Variants in TMEM74 observed in about 807,000 individuals in gnomAD.
TMEM74 encodes transmembrane protein 74.
TMEM74 carries 13 observed loss-of-function variants against 18.1 expected under a neutral mutation model. That is an observed-to-expected ratio of 0.72 (90% CI 0.47 to 1.14). The LOEUF (loss-of-function observed/expected upper bound fraction) is 1.14. Ranked by LOEUF, TMEM74 falls within the 50% of genes most tolerant of loss-of-function variation. The pLI, the probability that TMEM74 is intolerant of heterozygous loss-of-function variation, is 0.00. For missense variants in TMEM74, 372 were observed against 375.9 expected (o/e 0.99, Z 0.09); for synonymous variants, 159 against 146.6 (o/e 1.08, Z -0.61).
At chr8:108,706,667 A>T (rs1452538067) in intron 1 of TMEM74, among the ~76,000 whole-genome samples, 3 of 152,002 alleles carry the variant, frequency 2.0e-5, no homozygotes, top group African/African-American at 4.8e-5. Context: ...ATTATTCATA[A>T]GTAGCTTTAA....
At chr8:108,775,785 A>C (rs1026693744), downstream of TMEM74, among the ~76,000 whole-genome samples, 2 of 152,008 alleles carry the variant, frequency 1.3e-5, no homozygotes, top group Non-Finnish European at 2.9e-5. Flanking sequence ...TTCTTTCCTG[A>C]GCTCATCATT....
intron 1 of TMEM74, among the ~76,000 whole-genome samples, chr8:108,747,160 C>A (rs1460656103): frequency 6.6e-6 from 1 of 152,032 alleles, no homozygotes; most frequent in Non-Finnish European, 1.5e-5. Context: ...CTGTTGGGAT[C>A]TGATGCTATC....
chr8:108,658,708 G>A (rs1195804745), intron 1 of TMEM74, among the ~76,000 whole-genome samples: 2 of 152,144 alleles, frequency 1.3e-5, no homozygotes, highest in Non-Finnish European at 2.9e-5. Flanking sequence ...GAGCCTCTTC[G>A]TAATGTTGTA....
chr8:108,663,747 G>T (rs946570937), intron 1 of TMEM74, among the ~76,000 whole-genome samples: 3 of 152,038 alleles, frequency 2.0e-5, no homozygotes, highest in African/African-American at 7.2e-5. Flanking sequence ...AATAAAATGT[G>T]GTACATATAC....
intron 2 of TMEM74, among the ~76,000 whole-genome samples, chr8:108,638,703 A>C (rs1812631495): frequency 6.6e-6 from 1 of 152,118 alleles, no homozygotes; most frequent in Non-Finnish European, 1.5e-5. Flanking sequence ...ATTACTAACA[A>C]TTATTGAGCA....
intron 1 of TMEM74, among the ~76,000 whole-genome samples, chr8:108,759,937 A>G (rs1814021847): frequency 6.6e-6 from 1 of 151,966 alleles, no homozygotes; most frequent in Non-Finnish European, 1.5e-5. Flanking sequence ...GGCTTCCACT[A>G]TGAGTCAGGT....
At chr8:108,715,456 A>G (rs1394851125) in intron 1 of TMEM74, among the ~76,000 whole-genome samples, 1 of 152,090 alleles carries the variant, frequency 6.6e-6, no homozygotes, top group African/African-American at 2.4e-5. Context: ...TTGCCTTTAA[A>G]CAGTTCTGCA....
At chr8:108,743,216 C>T (rs892673043) in intron 1 of TMEM74, among the ~76,000 whole-genome samples, 13 of 152,084 alleles carry the variant, frequency 8.5e-5, no homozygotes, top group African/African-American at 9.7e-5. Context: ...GTTTACTGTA[C>T]GTAAATAAAT....
At chr8:108,786,001 C>A (rs941789051) in intron 1 of TMEM74, among the ~76,000 whole-genome samples, 2 of 152,210 alleles carry the variant, frequency 1.3e-5, no homozygotes, top group Non-Finnish European at 2.9e-5. Flanking sequence ...CTGCTACTCC[C>A]GTTCCCTGGG....
At chr8:108,668,404 G>A (rs962390304) in intron 1 of TMEM74, among the ~76,000 whole-genome samples, 1 of 152,126 alleles carries the variant, frequency 6.6e-6, no homozygotes, top group African/African-American at 2.4e-5. Flanking sequence ...AATAGTCATT[G>A]GTTAATGTTA....
At position 108,695,361 on chromosome 8, in the gene TMEM74, A is replaced by G. The variant is rs370462625; in HGVS notation, n.120-39924T>C. Among the ~76,000 whole-genome samples the G allele has an allele frequency of 1.8e-4, 28 of 152,318 alleles. No homozygotes were observed. The East Asian group carries it at 2.7e-3, about 15-fold the overall frequency. ...TTAGTAAGGAGGTGTAAGAAGCAGCATTTTGGCAAGCACTTGGGTACTTAC... is the reference window on the plus strand; with the variant it reads ...TTAGTAAGGAGGTGTAAGAAGCAGCGTTTTGGCAAGCACTTGGGTACTTAC... On this transcript the variant is annotated intron_variant and non_coding_transcript_variant, in intron 1 of 3. Transcript: ENST00000518838.
chr8:108,652,940 G>T (rs1037867970), intron 2 of TMEM74: 6 of 314,184 alleles, frequency 1.9e-5, no homozygotes, highest in Non-Finnish European at 3.8e-5. Flanking sequence ...ATTTTCTAGC[G>T]ACTTGCTAGA....
intron 1 of TMEM74, among the ~76,000 whole-genome samples, chr8:108,698,694 T>C (rs57261057): frequency 5.9e-5 from 9 of 152,302 alleles, no homozygotes; most frequent in African/African-American, 1.9e-4. Context: ...GAGGTTTGAG[T>C]GTTTAACCAT....
intron 2 of TMEM74, among the ~76,000 whole-genome samples, chr8:108,645,936 T>G (rs1370090119): frequency 6.6e-6 from 1 of 152,158 alleles, no homozygotes; most frequent in Admixed American, 6.6e-5. Context: ...TAGGTTGAAT[T>G]GTAATGAATA....
At chr8:108,722,274 T>C (rs1235846164) in intron 1 of TMEM74, among the ~76,000 whole-genome samples, 1 of 152,202 alleles carries the variant, frequency 6.6e-6, no homozygotes, top group Non-Finnish European at 1.5e-5. Context: ...AACACAGACA[T>C]CTTTGCAGGG....
intron 1 of TMEM74, among the ~76,000 whole-genome samples, chr8:108,705,071 G>A (rs576011776): frequency 6.6e-6 from 1 of 152,272 alleles, no homozygotes. Context: ...TGATAGCATC[G>A]AATTTTCTTT....
In TMEM74 at chr8:108,718,246, C is replaced by G. The variant is rs1304201117; in HGVS notation, n.120-62809G>C. Among the ~76,000 whole-genome samples, 5 of 71,112 alleles carry G rather than the reference C, an allele frequency of 7.0e-5. 1 individual carries two copies. Among genetic ancestry groups the G allele is most frequent in the African/African-American group, 6.9e-4 (4 of 5,760 alleles). The allele number at this position is 71,112 out of a possible 152,430, so 46.7% of individuals were successfully genotyped here. ...GTGCTGGGATTACAGGCGTGAGCCA[C>G]CGCGCCCGGCCCTGACTTAGGTTTT... On this transcript the variant is annotated intron_variant and non_coding_transcript_variant, in intron 1 of 3. Transcript: ENST00000518838.
chr8:108,663,511 T>A (rs1321400011), intron 1 of TMEM74, among the ~76,000 whole-genome samples: 1 of 152,190 alleles, frequency 6.6e-6, no homozygotes, highest in East Asian at 1.9e-4. Flanking sequence ...ATACTGTTGG[T>A]GAGAATGTAA....
chr8:108,620,281 A>AT (rs1353010354), intron 2 of TMEM74, among the ~76,000 whole-genome samples: 1 of 152,158 alleles, frequency 6.6e-6, no homozygotes, highest in Non-Finnish European at 1.5e-5. Flanking sequence ...ATTGAGTAAA[A>AT]TTTTTTGACC....
Sources: allele counts gnomAD v4.1 joint callset (sites outside exome capture counted in the v4.1 genomes callset), GRCh38; gene constraint gnomAD v4.1.1; transcripts MANE v1.5; gene names NCBI Gene and HGNC (gene_info 2026-07-23, HGNC 2026-07-21).